VAT1L: variants seen among roughly 807,000 people sequenced by gnomAD.
VAT1L encodes the protein vesicle amine transport 1 like.
A neutral mutation model predicts 44.1 loss-of-function variants in VAT1L; 34 were observed. That is an observed-to-expected ratio of 0.77 (90% CI 0.59 to 1.03). The LOEUF is 1.03. Ranked by LOEUF, VAT1L falls within the 50% of genes least tolerant of loss-of-function variation. VAT1L has a pLI of 0.00. For synonymous variants in VAT1L, 253 were observed against 202.2 expected (o/e 1.25, Z -2.13); for missense variants, 615 against 538.8 (o/e 1.14, Z -1.40).
chr16:77,823,135 A>G (rs1212435706), intron 2 of VAT1L, among the ~76,000 whole-genome samples: 1 of 151,988 alleles, frequency 6.6e-6, no homozygotes, highest in African/African-American at 2.4e-5. Flanking sequence ...CAAAATACGC[A>G]GAACTGGCCA....
At chr16:77,867,387 T>A (rs766070596) in intron 4 of VAT1L, among the ~76,000 whole-genome samples, 1 of 152,156 alleles carries the variant, frequency 6.6e-6, no homozygotes. Flanking sequence ...AACCTGCCTT[T>A]AAAAAAATCA....
intron 7 of VAT1L, among the ~76,000 whole-genome samples, chr16:77,896,997 A>T (rs1001812486): frequency 6.6e-6 from 1 of 152,214 alleles, no homozygotes; most frequent in Non-Finnish European, 1.5e-5. Flanking sequence ...TTTGAGGTTG[A>T]TGGAGAAATT....
rs766945340 is a variant in VAT1L at position 77,908,238 on chromosome 16, C to CA, written c.1077+23451dup. ...TGGGTGACAGAGTGAGACTCTGTCTCAAAAAAAAAAAAAAAGTTCAAGACC... is the reference window on the plus strand; with the variant it reads ...TGGGTGACAGAGTGAGACTCTGTCTCAAAAAAAAAAAAAAAAGTTCAAGACC... On this transcript the variant is annotated intron_variant, in intron 7 of 8. Transcript: ENST00000302536. 3.4e-3 allele frequency among the ~76,000 whole-genome samples: 307 copies of CA among 91,620 alleles called. 2 individuals carry two copies. The highest frequency in any genetic ancestry group is 6.7e-3 in the Middle Eastern group (1 of 150). The allele number at this position is 91,620 out of a possible 152,430, so 60.1% of individuals were successfully genotyped here. A position where few individuals can be genotyped will look rare whatever the true frequency, so the allele number is the denominator to read the frequency against.
chr16:77,909,707 T>A lies in VAT1L; in HGVS notation c.1077+24905T>A, dbSNP rs551021778. On this transcript the variant is annotated intron_variant, in intron 7 of 8. Transcript: ENST00000302536. Reference sequence around the variant, plus strand: ...TGAGCACTCTGCCTGTATCTTTTCGTGCAATCTACCCACAACCAATCAAAC... The same window carrying A: ...TGAGCACTCTGCCTGTATCTTTTCGAGCAATCTACCCACAACCAATCAAAC... 2.4e-4 allele frequency among the ~76,000 whole-genome samples: 36 copies of A among 151,006 alleles called. No individual in the cohort carries two copies. In the South Asian group the frequency reaches 4.8e-3, roughly 20 times the overall value.
chr16:77,944,098 C>T (rs2017928477), intron 7 of VAT1L, among the ~76,000 whole-genome samples: 3 of 152,104 alleles, frequency 2.0e-5, no homozygotes, highest in Non-Finnish European at 4.4e-5. Flanking sequence ...ATTTTTGATT[C>T]TCACAACTGG....
At chr16:77,845,712 C>G (rs920987801) in intron 3 of VAT1L, among the ~76,000 whole-genome samples, 1 of 152,176 alleles carries the variant, frequency 6.6e-6, no homozygotes, top group African/African-American at 2.4e-5. Flanking sequence ...ACTGTCCAAC[C>G]GTCCACCCTG....
intron 7 of VAT1L, among the ~76,000 whole-genome samples, chr16:77,927,552 G>A (rs982261655): frequency 1.3e-5 from 2 of 151,890 alleles, no homozygotes; most frequent in Admixed American, 1.3e-4. Context: ...ATTTGCATCA[G>A]GCCGCCTGTC....
chr16:77,884,948 G>A lies in VAT1L; in HGVS notation c.1077+146G>A, dbSNP rs2017194985. The A allele has an allele frequency of 1.2e-6, 1 of 801,052 alleles. No homozygotes were observed. The highest frequency in any genetic ancestry group is 1.8e-6 in the Non-Finnish European group (1 of 545,342). The allele number at this position is 801,052 out of a possible 1,614,324, so 49.6% of individuals were successfully genotyped here. A position where few individuals can be genotyped will look rare whatever the true frequency, so the allele number is the denominator to read the frequency against. Reference sequence around the variant, plus strand: ...GGTCCTAAAAGTCACCTGTACCACAGAATAGTACTTTGGATATAAGAAATA... The same window carrying A: ...GGTCCTAAAAGTCACCTGTACCACAAAATAGTACTTTGGATATAAGAAATA... On this transcript the variant is annotated intron_variant, in intron 7 of 8. Transcript: ENST00000302536. This position sits in a 1 kb window ranked among gnomAD's most constrained non-coding sequence, Gnocchi z 4.5.
chr16:77,841,948 C>A (rs2016710588), intron 3 of VAT1L, among the ~76,000 whole-genome samples: 1 of 151,764 alleles, frequency 6.6e-6, no homozygotes, highest in Non-Finnish European at 1.5e-5. Context: ...AGTGCAGTGG[C>A]ACGATCTTGG....
intron 2 of VAT1L, among the ~76,000 whole-genome samples, chr16:77,824,483 C>T (rs1274873154): frequency 2.6e-5 from 4 of 152,044 alleles, no homozygotes; most frequent in African/African-American, 9.7e-5. Flanking sequence ...GGGCCAGGCA[C>T]GGTGGCTCAC....
At chr16:77,789,650 G>T (rs1448882719) in intron 1 of VAT1L, among the ~76,000 whole-genome samples, 1 of 152,024 alleles carries the variant, frequency 6.6e-6, no homozygotes, top group Admixed American at 6.5e-5. Flanking sequence ...GGGCTGCAGC[G>T]CAACCCCCTC....
At chr16:77,886,922 C>A (rs2017215270) in intron 7 of VAT1L, among the ~76,000 whole-genome samples, 1 of 152,108 alleles carries the variant, frequency 6.6e-6, no homozygotes, top group South Asian at 2.1e-4. Flanking sequence ...TGTACACATA[C>A]ATGTGTGTTT....
rs867610756 is a variant in VAT1L, at chr16:77,825,326, G to T, written c.444G>T (p.Lys148Asn). 3.7e-6 allele frequency: 6 copies of T among 1,614,090 alleles called. No individual in the cohort carries two copies. The highest frequency in any genetic ancestry group is 5.1e-6 in the Non-Finnish European group (6 of 1,180,058). Reference sequence around the variant, plus strand: ...GCACACCAGTGGAGTTTGTCTACAAGATCCCGGATGACATGAGCTTCTCCG... The same window carrying T: ...GCACACCAGTGGAGTTTGTCTACAATATCCCGGATGACATGAGCTTCTCCG... ...VVCTPVEFVY[K>N]IPDDMSFSEA... is the part of the protein sequence containing the mutation. The change falls in exon 3 of 9, where the codon AAG (lysine) becomes AAT (asparagine). Residue 148 changes from lysine to asparagine, a missense_variant. By Grantham distance (94) the Lys-to-Asn change is moderately conservative (BLOSUM62 0). Transcript: ENST00000302536.
At chr16:77,923,275 C>G (rs2017631848) in intron 7 of VAT1L, among the ~76,000 whole-genome samples, 2 of 152,132 alleles carry the variant, frequency 1.3e-5, no homozygotes, top group Admixed American at 1.3e-4. Context: ...ATGGTGAAAC[C>G]CCGTATCTAC....
At chr16:77,900,521 C>G (rs1274079911) in intron 7 of VAT1L, among the ~76,000 whole-genome samples, 2 of 151,712 alleles carry the variant, frequency 1.3e-5, no homozygotes, top group African/African-American at 4.8e-5. Flanking sequence ...ATGGTGAAAC[C>G]CCATTTCTAC....
chr16:77,805,610 A>ACAGCCCG (rs2016141869), intron 1 of VAT1L, among the ~76,000 whole-genome samples: 1 of 152,078 alleles, frequency 6.6e-6, no homozygotes, highest in Non-Finnish European at 1.5e-5. Context: ...TTCTGCCCGG[A>ACAGCCCG]GCTGGCAAAG....
chr16:77,972,800 TATAAA>T (rs1260493612), intron 8 of VAT1L, among the ~76,000 whole-genome samples: 1 of 149,562 alleles, frequency 6.7e-6, no homozygotes, highest in African/African-American at 2.4e-5. Context: ...ATAATAATAA[TATAAA>T]ATAATAAAAA....
At chr16:77,922,598 T>G (rs1368682507) in intron 7 of VAT1L, among the ~76,000 whole-genome samples, 2 of 152,146 alleles carry the variant, frequency 1.3e-5, no homozygotes, top group African/African-American at 2.4e-5. Flanking sequence ...ACAGGACTTA[T>G]GCAGTGGAGA....
intron 4 of VAT1L, among the ~76,000 whole-genome samples, chr16:77,867,817 C>T (rs971075183): frequency 6.6e-6 from 1 of 151,068 alleles, no homozygotes; most frequent in African/African-American, 2.4e-5. Context: ...CCAGATTATG[C>T]CACTGCACTC....
Sources: gnomAD v4.1 joint callset for allele counts (sites outside exome capture counted in the v4.1 genomes callset) on GRCh38, gnomAD v4.1.1 for gene constraint, Gnocchi (gnomAD v3.1) non-coding constraint, MANE v1.5 for transcripts, NCBI Gene and HGNC (gene_info 2026-07-23, HGNC 2026-07-21) for gene names.